The following RNF216 variants were observed in gnomAD, a reference collection of about 807,000 sequenced individuals.
The protein encoded by RNF216 is E3 ubiquitin-protein ligase RNF216.
A neutral mutation model predicts 110.8 loss-of-function variants in RNF216; 72 were observed. The observed-to-expected ratio is 0.65, with a 90% confidence interval of 0.54 to 0.79. RNF216 has a LOEUF of 0.79. Among genes scored for constraint, RNF216 ranks in the 30% least tolerant of loss-of-function variants. The pLI, the probability that RNF216 is intolerant of heterozygous loss-of-function variation, is 0.00. For synonymous variants in RNF216, 495 were observed against 407.5 expected, an observed-to-expected ratio of 1.21 and a Z score of -2.59; for missense variants, 1,342 against 1,141.2, an observed-to-expected ratio of 1.18 and a Z score of -2.54.
chr7:5,707,961 A>C (rs1356317079), intron 13 of RNF216, among the ~76,000 whole-genome samples: 1 of 152,198 alleles, frequency 6.6e-6, no homozygotes, highest in Non-Finnish European at 1.5e-5. Flanking sequence ...TCCAGAATTC[A>C]GGTGATCCAC....
intron 14 of RNF216, among the ~76,000 whole-genome samples, chr7:5,650,635 G>A (rs1404452733): frequency 6.6e-6 from 1 of 152,070 alleles, no homozygotes; most frequent in African/African-American, 2.4e-5. Context: ...CTCAATCCTT[G>A]GCTCATGGCC....
chr7:5,657,613 G>A (rs975913889), intron 13 of RNF216, among the ~76,000 whole-genome samples: 1 of 152,030 alleles, frequency 6.6e-6, no homozygotes, highest in South Asian at 2.1e-4. Flanking sequence ...TAAATCTCCA[G>A]CACTCTTGAG....
At chr7:5,623,220 C>T (rs1562763452) in intron 16 of RNF216, 41 bp from the exon 17 acceptor site, 2 of 1,512,912 alleles carry the variant, frequency 1.3e-6, no homozygotes, top group Non-Finnish European at 1.8e-6. Flanking sequence ...AACATTAAAC[C>T]AACCTCAATG....
At chr7:5,771,811 A>G (rs1319389799) in intron 1 of RNF216, among the ~76,000 whole-genome samples, 2 of 152,082 alleles carry the variant, frequency 1.3e-5, no homozygotes, top group Non-Finnish European at 2.9e-5. Flanking sequence ...ACCAAAAAAC[A>G]TCTGCCCAAA....
intron 13 of RNF216, among the ~76,000 whole-genome samples, chr7:5,705,416 A>G (rs2128623976): frequency 6.6e-6 from 1 of 152,246 alleles, no homozygotes; most frequent in South Asian, 2.1e-4. Context: ...ATCACCTTCT[A>G]ATCCTCTACC....
At chr7:5,657,945 G>A (rs1175040824) in intron 13 of RNF216, among the ~76,000 whole-genome samples, 2 of 152,188 alleles carry the variant, frequency 1.3e-5, no homozygotes, top group African/African-American at 2.4e-5. Flanking sequence ...CATAACAGCC[G>A]AAGAAGGCTT....
At chr7:5,639,920 C>T (rs1034388438) in intron 15 of RNF216, among the ~76,000 whole-genome samples, 5 of 151,958 alleles carry the variant, frequency 3.3e-5, no homozygotes, top group African/African-American at 9.7e-5. Flanking sequence ...CCACCACGCC[C>T]GGCTAATTTT....
chr7:5,745,642 G>A (rs1794991820), intron 3 of RNF216, among the ~76,000 whole-genome samples: 1 of 152,050 alleles, frequency 6.6e-6, no homozygotes, highest in African/African-American at 2.4e-5. Flanking sequence ...GCTCACGCCT[G>A]TAATCTCAGC....
intron 1 of RNF216, chr7:5,775,229 A>G (rs1461426712): frequency 1.3e-5 from 2 of 152,174 alleles, no homozygotes; most frequent in Non-Finnish European, 1.5e-5. Context: ...ATTGCCCATT[A>G]CAGAAAATAT....
Position 5,670,054 on chromosome 7 carries a change from T to G in RNF216, c.2062-17544A>C, listed in dbSNP as rs369842222. Among the ~76,000 whole-genome samples, 4 of 152,100 alleles carry G rather than the reference T, an allele frequency of 2.6e-5. No individual in the cohort carries two copies. In the East Asian group the frequency reaches 7.8e-4, roughly 30 times the overall value. The stretch of plus-strand genomic sequence containing the variant: ...CAATTCTCCTGTCTCAGCCTCCCGA[T>G]TAGCTGGGATTACAGGCACGCACCA... On this transcript the variant is annotated intron_variant, in intron 13 of 16. Coordinates refer to ENST00000389902, the MANE Select transcript of RNF216 (RefSeq NM_207111.4).
intron 14 of RNF216, among the ~76,000 whole-genome samples, chr7:5,650,723 A>G (rs920918518): frequency 3.3e-5 from 5 of 152,064 alleles, no homozygotes; most frequent in African/African-American, 1.2e-4. Flanking sequence ...TCCCACACTA[A>G]GGACTTTCTG....
intron 13 of RNF216, among the ~76,000 whole-genome samples, chr7:5,705,272 A>C (rs1384161790): frequency 6.6e-6 from 1 of 152,224 alleles, no homozygotes; most frequent in Non-Finnish European, 1.5e-5. Flanking sequence ...AACATGTCCA[A>C]AACAAAAGTA....
intron 13 of RNF216, among the ~76,000 whole-genome samples, chr7:5,710,350 A>G (rs1342114962): frequency 6.7e-6 from 1 of 149,920 alleles, no homozygotes; most frequent in Admixed American, 6.7e-5. Flanking sequence ...ACAGAGTGAG[A>G]CCCTGCCTCA....
intron 14 of RNF216, among the ~76,000 whole-genome samples, chr7:5,648,500 C>T (rs796392873): frequency 6.6e-6 from 1 of 151,016 alleles, no homozygotes; most frequent in African/African-American, 2.4e-5. Context: ...CCAAGGCAGG[C>T]GGATCATGAG....
intron 13 of RNF216, among the ~76,000 whole-genome samples, chr7:5,682,640 C>T (rs745680393): frequency 6.6e-6 from 1 of 152,142 alleles, no homozygotes; most frequent in Non-Finnish European, 1.5e-5. Context: ...CTCCTGACCT[C>T]AAATGATCCA....
intron 14 of RNF216, among the ~76,000 whole-genome samples, chr7:5,645,167 A>C (rs1787980633): frequency 6.6e-6 from 1 of 151,978 alleles, no homozygotes. Flanking sequence ...AAGATTTTCT[A>C]TGTCTTTGGT....
chr7:5,717,656 T>C (rs1793147967), intron 9 of RNF216, among the ~76,000 whole-genome samples: 1 of 152,194 alleles, frequency 6.6e-6, no homozygotes, highest in African/African-American at 2.4e-5. Flanking sequence ...TGGTATTACA[T>C]AAAATGGTAT....
Position 5,738,496 on chromosome 7 carries a change from C to T in RNF216, c.1121+780G>A, listed in dbSNP as rs542245623. Among the ~76,000 whole-genome samples the T allele has an allele frequency of 2.4e-4, 37 of 152,170 alleles. No homozygotes were observed. The East Asian group carries it at 5.8e-3, about 24-fold the overall frequency. On this transcript the variant is annotated intron_variant, in intron 5 of 16. Transcript: ENST00000389902. ...GGCCGAGGCGGGTGGATCACGAGGT[C>T]AGGAGATCGAGACCATCCTGGCTAA... is the stretch of plus-strand genomic sequence containing the variant.
intron 9 of RNF216, among the ~76,000 whole-genome samples, chr7:5,718,799 G>A (rs777528693): frequency 6.6e-6 from 1 of 151,878 alleles, no homozygotes; most frequent in African/African-American, 2.4e-5. Flanking sequence ...TGCCCACCTC[G>A]GCCTTCCAAA....
Sources: allele counts gnomAD v4.1 joint callset (sites outside exome capture counted in the v4.1 genomes callset), GRCh38; gene constraint gnomAD v4.1.1; transcripts MANE v1.5; gene names NCBI Gene and HGNC (gene_info 2026-07-23, HGNC 2026-07-21).